CHL1: variants seen among roughly 807,000 people sequenced by gnomAD.
CHL1 encodes the protein neural cell adhesion molecule L1-like protein.
Under a neutral mutation model 141.9 loss-of-function variants are expected in CHL1, and 96 were observed. The ratio of observed to expected loss-of-function variants is 0.68; its 90% confidence interval spans 0.57 to 0.80. The LOEUF (loss-of-function observed/expected upper bound fraction) is 0.80. Among genes scored for constraint, CHL1 ranks in the 30% least tolerant of loss-of-function variants. The pLI, the probability that CHL1 is intolerant of heterozygous loss-of-function variation, is 0.00. For missense variants in CHL1, 1,820 were observed against 1,457.2 expected (o/e 1.25, Z -4.05); for synonymous variants, 613 against 502.2 (o/e 1.22, Z -2.95).
intron 2 of CHL1, among the ~76,000 whole-genome samples, chr3:294,233 C>G (rs1028624141): frequency 7.9e-5 from 12 of 152,052 alleles, no homozygotes; most frequent in Non-Finnish European, 1.8e-4. Context: ...GTTGGAGAAT[C>G]ACTTGAGCCT....
In CHL1 at chr3:353,843, T is replaced by A. The variant is rs534773858; in HGVS notation, c.1034-797T>A. On this transcript the variant is annotated intron_variant, in intron 10 of 27. Coordinates refer to ENST00000256509, the MANE Select transcript of CHL1 (RefSeq NM_006614.4). ...TGCAATTTTCTCTGAAATCAAATTA[T>A]CCAAACCATCAACACTTTAATCTAA... 4.6e-5 allele frequency among the ~76,000 whole-genome samples: 7 copies of A among 152,306 alleles called. No homozygotes were observed. In the South Asian group the frequency reaches 1.5e-3, roughly 32 times the overall value.
intron 1 of CHL1, among the ~76,000 whole-genome samples, chr3:223,716 G>A (rs191165797): frequency 8.1e-4 from 124 of 152,278 alleles, no homozygotes; most frequent in African/African-American, 2.8e-3. Context: ...GAAGCAGAAG[G>A]ACTGGATTTA....
intron 15 of CHL1, among the ~76,000 whole-genome samples, chr3:372,792 T>C (rs1045396919): frequency 6.6e-6 from 1 of 152,128 alleles, no homozygotes; most frequent in African/African-American, 2.4e-5. Flanking sequence ...GAGATTTTGT[T>C]GTTGATGCTG....
At chr3:400,218 G>A (rs750582629) in intron 26 of CHL1, among the ~76,000 whole-genome samples, 19 of 152,104 alleles carry the variant, frequency 1.2e-4, no homozygotes, top group Non-Finnish European at 2.2e-4. Flanking sequence ...TTGGGAACCC[G>A]TCATCTACAT....
At chr3:344,520 G>A in intron 8 of CHL1, 69 bp from the exon 9 acceptor site, 1 of 1,200,570 alleles carries the variant, frequency 8.3e-7, no homozygotes, top group South Asian at 1.4e-5. Context: ...TTTTAAGAAA[G>A]ATGTGGTGTC....
intron 1 of CHL1, chr3:213,520 T>A (rs1700062130): frequency 6.6e-6 from 1 of 152,188 alleles, no homozygotes; most frequent in Non-Finnish European, 1.5e-5. Flanking sequence ...CCATAAAATA[T>A]TAAAATAGAC....
At chr3:363,191 T>C in intron 13 of CHL1, 26 bp from the exon 14 acceptor site, 2 of 1,593,662 alleles carry the variant, frequency 1.3e-6, no homozygotes, top group Non-Finnish European at 8.5e-7. Flanking sequence ...CTACCTCAGA[T>C]GGATGTACGC....
At chr3:251,800 T>C (rs1293533637) in intron 2 of CHL1, among the ~76,000 whole-genome samples, 1 of 152,128 alleles carries the variant, frequency 6.6e-6, no homozygotes, top group Non-Finnish European at 1.5e-5. Flanking sequence ...GTTTCTATTA[T>C]CTTAGATTCA....
intron 2 of CHL1, among the ~76,000 whole-genome samples, chr3:284,127 T>C (rs1304723076): frequency 6.6e-6 from 1 of 152,176 alleles, no homozygotes; most frequent in African/African-American, 2.4e-5. Flanking sequence ...TTACAGACTT[T>C]CGGTGGAACT....
intron 5 of CHL1, among the ~76,000 whole-genome samples, chr3:337,894 G>C (rs569651302): frequency 2.6e-5 from 4 of 152,186 alleles, no homozygotes; most frequent in South Asian, 2.1e-4. Flanking sequence ...ACCCAGTAAT[G>C]GGATGGCTGG....
At chr3:344,862 G>A (rs1702634146) in intron 9 of CHL1, among the ~76,000 whole-genome samples, 153 bp downstream of exon 9, 1 of 152,082 alleles carries the variant, frequency 6.6e-6, no homozygotes, top group South Asian at 2.1e-4. Context: ...TTCTGCTCAG[G>A]ACTGTTATTC....
intron 10 of CHL1, among the ~76,000 whole-genome samples, chr3:351,003 G>GCA (rs372740095): frequency 6.6e-6 from 1 of 151,768 alleles, no homozygotes; most frequent in Non-Finnish European, 1.5e-5. Flanking sequence ...CCCCTCCCTG[G>GCA]CACACACACA....
At chr3:264,181 A>G (rs1694974431) in intron 2 of CHL1, among the ~76,000 whole-genome samples, 1 of 152,252 alleles carries the variant, frequency 6.6e-6, no homozygotes, top group Non-Finnish European at 1.5e-5. Flanking sequence ...CACTAAACTC[A>G]CTGTCACATG....
chr3:323,915 T>C (rs1700799105), intron 3 of CHL1, among the ~76,000 whole-genome samples: 1 of 152,130 alleles, frequency 6.6e-6, no homozygotes, highest in African/African-American at 2.4e-5. Flanking sequence ...TGTAAAGTAA[T>C]GCCCTTCTTC....
At chr3:393,177 G>A (rs1708381078) in intron 23 of CHL1, among the ~76,000 whole-genome samples, 2 of 133,152 alleles carry the variant, frequency 1.5e-5, no homozygotes, top group African/African-American at 5.4e-5. Context: ...AGCTTGCGGT[G>A]AGCTGAGATG....
intron 1 of CHL1, among the ~76,000 whole-genome samples, chr3:226,322 C>G (rs1701339184): frequency 6.8e-6 from 1 of 147,908 alleles, no homozygotes; most frequent in East Asian, 2.0e-4. Flanking sequence ...CATGAGCCAC[C>G]ATGCCAGGCT....
chr3:389,151 A>G, intron 19 of CHL1, 101 bp from the exon 20 acceptor site: 1 of 907,698 alleles, frequency 1.1e-6, no homozygotes, highest in Non-Finnish European at 1.7e-6. Context: ...ACAAATGACC[A>G]TTTCATTACA....
chr3:340,722 C>T, intron 5 of CHL1, 72 bp from the exon 6 acceptor site: 2 of 1,232,156 alleles, frequency 1.6e-6, no homozygotes, highest in Non-Finnish European at 2.3e-6. Flanking sequence ...AAAAAAAGAA[C>T]ATATTAAGAT....
chr3:320,707 A>G (rs1480377125), intron 3 of CHL1, among the ~76,000 whole-genome samples: 1 of 152,072 alleles, frequency 6.6e-6, no homozygotes, highest in Admixed American at 6.6e-5. Flanking sequence ...TTTTAAAAAA[A>G]TAAAAACTAA....
Sources: allele counts gnomAD v4.1 joint callset (sites outside exome capture counted in the v4.1 genomes callset), GRCh38; gene constraint gnomAD v4.1.1; transcripts MANE v1.5; gene names NCBI Gene and HGNC (gene_info 2026-07-23, HGNC 2026-07-21).